Variants in SV2B observed in about 807,000 individuals in gnomAD.
The protein encoded by SV2B is synaptic vesicle glycoprotein 2B, also known as solute carrier family 22 member B2.
Under a neutral mutation model 73.9 loss-of-function variants are expected in SV2B, and 41 were observed. That is an observed-to-expected ratio of 0.56 (90% CI 0.43 to 0.72). The LOEUF (loss-of-function observed/expected upper bound fraction) is 0.72, where lower values mean the gene tolerates loss of function less well. Among genes scored for constraint, SV2B ranks in the 30% least tolerant of loss-of-function variants. The probability of loss-of-function intolerance (pLI) is 0.00; values close to 1 mark genes in which losing one functional copy is unlikely to be tolerated. For missense variants in SV2B, 764 were observed against 857.8 expected (o/e 0.89, Z 1.37); for synonymous variants, 314 against 314.2 (o/e 1.00, Z 0.01).
chr15:91,162,014 C>T (rs1365213852), intron 1 of SV2B, among the ~76,000 whole-genome samples: 1 of 152,160 alleles, frequency 6.6e-6, no homozygotes, highest in Non-Finnish European at 1.5e-5. Context: ...CAGTAAAATG[C>T]AAACATTTTC....
chr15:91,158,733 CCTCTT>C (rs2043604220), intron 1 of SV2B, among the ~76,000 whole-genome samples: 1 of 53,558 alleles, frequency 1.9e-5, no homozygotes, highest in African/African-American at 6.9e-5. Context: ...CCTCTCTTCT[CCTCTT>C]TTTTCTCTCT....
chr15:91,250,845 T>C (rs1299168457), intron 2 of SV2B, among the ~76,000 whole-genome samples: 2 of 152,304 alleles, frequency 1.3e-5, no homozygotes, highest in East Asian at 1.9e-4. Context: ...TGTTTATGAA[T>C]AGAAAGAATT....
At position 91,280,696 on chromosome 15, in the gene SV2B, G is replaced by T. The variant is rs2048656099; in HGVS notation, c.1374-1032G>T. Reference sequence around the variant, plus strand: ...AGAGGTGCAGTGACTCCCACATGTGGCTGCGCCTCAGAATCGTCTAGGTGC... The same window carrying T: ...AGAGGTGCAGTGACTCCCACATGTGTCTGCGCCTCAGAATCGTCTAGGTGC... On this transcript the variant is annotated intron_variant, in intron 9 of 12. Transcript: ENST00000394232. This position sits in a 1 kb window ranked among gnomAD's most constrained non-coding sequence, Gnocchi z 5.8. 6.6e-6 allele frequency among the ~76,000 whole-genome samples: 1 copy of T among 152,172 alleles called. No individual in the cohort carries two copies. Among genetic ancestry groups the T allele is most frequent in the South Asian group, 2.1e-4 (1 of 4,828 alleles).
At chr15:91,107,981 G>T (rs1038535015) in intron 1 of SV2B, among the ~76,000 whole-genome samples, 5 of 152,070 alleles carry the variant, frequency 3.3e-5, no homozygotes, top group Admixed American at 3.3e-4. Flanking sequence ...GGTTTCCTCA[G>T]TTGTAAGGTG....
At chr15:91,189,074 C>G (rs779649901) in intron 1 of SV2B, among the ~76,000 whole-genome samples, 2 of 152,154 alleles carry the variant, frequency 1.3e-5, no homozygotes, top group Non-Finnish European at 2.9e-5. Context: ...GATCCACCCA[C>G]GTTGGCCTCT....
chr15:91,206,860 G>A (rs921310008), intron 1 of SV2B, among the ~76,000 whole-genome samples: 3 of 152,160 alleles, frequency 2.0e-5, no homozygotes, highest in Non-Finnish European at 2.9e-5. Flanking sequence ...AAGTTTGAAG[G>A]CTGATGTTCG....
In SV2B at chr15:91,242,998, C is replaced by T. The variant is rs919139646; in HGVS notation, c.452-8821C>T. On this transcript the variant is annotated intron_variant, in intron 2 of 12. Coordinates refer to ENST00000394232, the MANE Select transcript of SV2B (RefSeq NM_001323032.3). The surrounding 1 kb of genome is among the most constrained non-coding windows in gnomAD (Gnocchi z 4.9). ...GCTCCCTTTAGACGGGCATGTATTT[C>T]TCAGTCCCCACACTCCCTATTAGGG... is the stretch of plus-strand genomic sequence containing the variant. Among the ~76,000 whole-genome samples, 2 of 152,180 alleles carry T rather than the reference C, an allele frequency of 1.3e-5. No individual in the cohort carries two copies. Among genetic ancestry groups the T allele is most frequent in the Non-Finnish European group, 2.9e-5 (2 of 68,026 alleles).
In SV2B at chr15:91,265,060, G is replaced by A. The variant is rs1567410421; in HGVS notation, c.1009-1522G>A. The stretch of plus-strand genomic sequence containing the variant: ...AACCAGAAAGTGGTAACTGACCTTA[G>A]AGAGCCAGCCTGTGGTTGGCGGTCA... On this transcript the variant is annotated intron_variant, in intron 6 of 12. Transcript: ENST00000394232. This position sits in a 1 kb window ranked among gnomAD's most constrained non-coding sequence, Gnocchi z 4.2. Among the ~76,000 whole-genome samples the A allele has an allele frequency of 1.3e-5, 2 of 152,226 alleles. No individual in the cohort carries two copies. Among genetic ancestry groups the A allele is most frequent in the African/African-American group, 4.8e-5 (2 of 41,448 alleles).
chr15:91,103,829 C>A (rs1406265925), intron 1 of SV2B, among the ~76,000 whole-genome samples: 1 of 152,172 alleles, frequency 6.6e-6, no homozygotes, highest in Non-Finnish European at 1.5e-5. Flanking sequence ...GTGAATTTCC[C>A]CCATCCAATA....
intron 2 of SV2B, among the ~76,000 whole-genome samples, chr15:91,243,986 C>T (rs531615790): frequency 1.3e-5 from 2 of 152,184 alleles, no homozygotes; most frequent in Admixed American, 6.5e-5. Context: ...AAATGCCTCA[C>T]CCCAACCCTG....
Position 91,129,594 on chromosome 15 carries a change from C to T in SV2B, c.-392+29231C>T, listed in dbSNP as rs1023675288. ...CCCAGCACAGCACACTGGGCACAGACTAGGACTGCATCTGGTTGCCTCCAG... is the reference window on the plus strand; with the variant it reads ...CCCAGCACAGCACACTGGGCACAGATTAGGACTGCATCTGGTTGCCTCCAG... On this transcript the variant is annotated intron_variant, in intron 1 of 12. Transcript: ENST00000394232. The surrounding 1 kb of genome is among the most constrained non-coding windows in gnomAD (Gnocchi z 5.1). 6.6e-6 allele frequency among the ~76,000 whole-genome samples: 1 copy of T among 152,210 alleles called. No homozygotes were observed. Among genetic ancestry groups the T allele is most frequent in the African/African-American group, 2.4e-5 (1 of 41,458 alleles).
intron 1 of SV2B, among the ~76,000 whole-genome samples, chr15:91,143,858 T>A (rs1381568073): frequency 6.6e-6 from 1 of 152,274 alleles, no homozygotes; most frequent in Admixed American, 6.5e-5. Flanking sequence ...AAATGAGCAC[T>A]GGCAGTGAGC....
chr15:91,112,013 C>T (rs915968607), intron 1 of SV2B, among the ~76,000 whole-genome samples: 3 of 152,080 alleles, frequency 2.0e-5, no homozygotes, highest in African/African-American at 7.2e-5. Context: ...CCAGGCCCCA[C>T]CTCCAACACT....
intron 1 of SV2B, among the ~76,000 whole-genome samples, chr15:91,213,367 G>A (rs1175007960): frequency 6.6e-6 from 1 of 152,158 alleles, no homozygotes; most frequent in Non-Finnish European, 1.5e-5. Flanking sequence ...GGTATAGCAG[G>A]TGAGTTTGAA....
At chr15:91,230,607 G>A (rs1156300111) in intron 2 of SV2B, among the ~76,000 whole-genome samples, 5 of 152,156 alleles carry the variant, frequency 3.3e-5, no homozygotes, top group African/African-American at 1.2e-4. Context: ...TGTTAACATT[G>A]AAGGCTCAAC....
Position 91,128,981 on chromosome 15 carries a change from A to G in SV2B, c.-392+28618A>G, listed in dbSNP as rs2042566850. 2.0e-5 allele frequency among the ~76,000 whole-genome samples: 3 copies of G among 152,228 alleles called. No individual in the cohort carries two copies. In the South Asian group the frequency reaches 6.2e-4, roughly 32 times the overall value. On this transcript the variant is annotated intron_variant, in intron 1 of 12. Transcript: ENST00000394232. The surrounding 1 kb of genome is among the most constrained non-coding windows in gnomAD (Gnocchi z 4.2). ...GAAGGCTCCCGTGGATACACGTCAA[A>G]TAAAGTTGTATGCCTGCCTTCCAAT...
chr15:91,162,967 A>T (rs1032292978), intron 1 of SV2B, among the ~76,000 whole-genome samples: 4 of 148,186 alleles, frequency 2.7e-5, no homozygotes, highest in Non-Finnish European at 4.4e-5. Flanking sequence ...CCTGTGTCCA[A>T]GTGTTCTCAT....
chr15:91,150,303 G>A (rs938474952), intron 1 of SV2B, among the ~76,000 whole-genome samples: 1 of 152,080 alleles, frequency 6.6e-6, no homozygotes, highest in African/African-American at 2.4e-5. Context: ...CACCACGCCC[G>A]GCTTCTGTCT....
Position 91,136,928 on chromosome 15 carries a change from C to T in SV2B, c.-392+36565C>T, listed in dbSNP as rs759168612. Among the ~76,000 whole-genome samples, 8 of 152,230 alleles carry T rather than the reference C, an allele frequency of 5.3e-5. No homozygotes were observed. Among genetic ancestry groups the T allele is most frequent in the Admixed American group, 2.6e-4 (4 of 15,288 alleles). ...CTGGTCAATGGCAACTTACCTTGAC[C>T]GGGATTTTGGCAGATGAAGGAAAAA... is the stretch of plus-strand genomic sequence containing the variant. On this transcript the variant is annotated intron_variant, in intron 1 of 12. Transcript: ENST00000394232. This position sits in a 1 kb window ranked among gnomAD's most constrained non-coding sequence, Gnocchi z 5.6.
Sources: allele counts gnomAD v4.1 joint callset (sites outside exome capture counted in the v4.1 genomes callset), GRCh38; gene constraint gnomAD v4.1.1; non-coding constraint Gnocchi (gnomAD v3.1); transcripts MANE v1.5; gene names NCBI Gene and HGNC (gene_info 2026-07-23, HGNC 2026-07-21).